Variants in VWA3B observed in about 807,000 individuals in gnomAD.
The protein encoded by VWA3B is von Willebrand factor A domain-containing protein 3B.
A neutral mutation model predicts 158.3 loss-of-function variants in VWA3B; 138 were observed. The observed-to-expected ratio is 0.87, with a 90% CI of 0.76 to 1.00. The LOEUF is 1.00. Ranked by LOEUF, VWA3B falls within the 50% of genes least tolerant of loss-of-function variation. The pLI is 0.00. For synonymous variants in VWA3B, 596 were observed against 587.3 expected (o/e 1.01, Z -0.21); for missense variants, 1,555 against 1,565.1 (o/e 0.99, Z 0.11).
rs535035946 is a variant in VWA3B, at chr2:98,177,107, G to A, written c.1115-3909G>A. 2.6e-5 allele frequency among the ~76,000 whole-genome samples: 4 copies of A among 152,346 alleles called. No individual in the cohort carries two copies. The East Asian group carries it at 7.7e-4, about 29-fold the overall frequency. ...AGGGTGGGTGGATGAGGGACAGGAA[G>A]AGGAGTGGGCACTGATACCTATGCC... On this transcript the variant is annotated intron_variant, in intron 8 of 27. Transcript: ENST00000477737.
chr2:98,247,638 A>G (rs548627587), intron 19 of VWA3B, among the ~76,000 whole-genome samples: 23 of 152,232 alleles, frequency 1.5e-4, no homozygotes, highest in South Asian at 6.2e-4. Context: ...TCACATATCT[A>G]TTATCTGATA....
At chr2:98,324,279 C>G in the VWA3B span, among the ~76,000 whole-genome samples, 2 of 152,154 alleles carry the variant, frequency 1.3e-5, no homozygotes, top group African/African-American at 2.4e-5. Context: ...TCTCCTGCCT[C>G]AGCTTCCCAA....
intron 8 of VWA3B, among the ~76,000 whole-genome samples, chr2:98,167,789 C>T (rs1370439240): frequency 2.0e-5 from 3 of 152,182 alleles, no homozygotes; most frequent in African/African-American, 7.2e-5. Context: ...GGAATTCACA[C>T]AGGACCAAGA....
At chr2:98,141,494 G>C (rs1294430927) in intron 7 of VWA3B, among the ~76,000 whole-genome samples, 1 of 152,066 alleles carries the variant, frequency 6.6e-6, no homozygotes, top group African/African-American at 2.4e-5. Flanking sequence ...ACATCTCATG[G>C]AAACTCATTA....
At chr2:98,225,551 A>C (rs1234290785) in intron 14 of VWA3B, among the ~76,000 whole-genome samples, 1 of 152,330 alleles carries the variant, frequency 6.6e-6, no homozygotes, top group East Asian at 1.9e-4. Flanking sequence ...AAAGACATCT[A>C]TTCTCACCGC....
intron 9 of VWA3B, among the ~76,000 whole-genome samples, chr2:98,182,863 G>A (rs571022018): frequency 6.6e-6 from 1 of 152,308 alleles, no homozygotes; most frequent in South Asian, 2.1e-4. Flanking sequence ...AGCCAAGATT[G>A]CGCCATTGCA....
intron 1 of VWA3B, among the ~76,000 whole-genome samples, chr2:98,092,404 G>A (rs1363985155): frequency 2.0e-5 from 3 of 152,196 alleles, no homozygotes; most frequent in Admixed American, 6.5e-5. Context: ...CAACACTTTG[G>A]GAGGCCAAGG....
intron 2 of VWA3B, among the ~76,000 whole-genome samples, chr2:98,106,207 G>A (rs762129999): frequency 8.5e-5 from 13 of 152,114 alleles, no homozygotes; most frequent in Non-Finnish European, 1.0e-4. Context: ...GAGCCACTGC[G>A]CCTGGCCCTA....
At chr2:98,272,057 A>G (rs1268788056) in intron 22 of VWA3B, among the ~76,000 whole-genome samples, 1 of 152,204 alleles carries the variant, frequency 6.6e-6, no homozygotes, top group African/African-American at 2.4e-5. Context: ...ACACATACCA[A>G]GCGGCAGACA....
At chr2:98,314,764 T>G (rs1691053524), downstream of VWA3B, among the ~76,000 whole-genome samples, 1 of 152,030 alleles carries the variant, frequency 6.6e-6, no homozygotes, top group South Asian at 2.1e-4. Context: ...GGCTCACGCC[T>G]GTTATCCCAG....
chr2:98,312,490 ACTCCT>A lies in VWA3B; in HGVS notation c.*146_*150del. 9.8e-7 allele frequency: 1 copy of A among 1,016,968 alleles called. No homozygotes were observed. Among genetic ancestry groups the A allele is most frequent in the Non-Finnish European group, 1.4e-6 (1 of 733,558 alleles). The allele number at this position is 1,016,968 out of a possible 1,614,324, so 63.0% of individuals were successfully genotyped here. ...TATGCCTGCCCTGTCTGTAGCAAAG[ACTCCT>A]CTCCCCTCCATCCCTGCTGCCTCCC... On this transcript the variant is annotated 3_prime_UTR_variant, in exon 28 of 28. Transcript: ENST00000477737.
At chr2:98,316,588 A>G (rs549446022), downstream of VWA3B, among the ~76,000 whole-genome samples, 152 of 151,504 alleles carry the variant, frequency 1.0e-3, 1 homozygote, top group Non-Finnish European at 1.7e-3. Context: ...CAGAGGTTGC[A>G]GTGAGCCAAG....
chr2:98,229,407 G>A (rs1685170785), intron 15 of VWA3B, among the ~76,000 whole-genome samples: 1 of 152,198 alleles, frequency 6.6e-6, no homozygotes, highest in South Asian at 2.1e-4. Flanking sequence ...GCAGGAGGGA[G>A]GGCACACGTC....
chr2:98,320,875 G>C, the VWA3B span, among the ~76,000 whole-genome samples: 2 of 152,166 alleles, frequency 1.3e-5, no homozygotes, highest in Non-Finnish European at 2.9e-5. Context: ...AAGTAATGAG[G>C]AGCCAAATGC....
intron 8 of VWA3B, among the ~76,000 whole-genome samples, chr2:98,178,802 CAG>C (rs1022756446): frequency 6.6e-6 from 1 of 152,094 alleles, no homozygotes; most frequent in Non-Finnish European, 1.5e-5. Context: ...TAAAGCTCCT[CAG>C]GGGATGCCAC....
intron 2 of VWA3B, among the ~76,000 whole-genome samples, chr2:98,110,000 C>T (rs1229851361): frequency 6.6e-6 from 1 of 151,804 alleles, no homozygotes; most frequent in African/African-American, 2.4e-5. Flanking sequence ...TCGAATTTCA[C>T]TCAGATTCTT....
At chr2:98,097,304 C>T (rs1239806218) in intron 2 of VWA3B, among the ~76,000 whole-genome samples, 1 of 152,078 alleles carries the variant, frequency 6.6e-6, no homozygotes, top group African/African-American at 2.4e-5. Flanking sequence ...CTTTGTATAC[C>T]TTTGTATACC....
chr2:98,143,196 C>T (rs956900514), intron 7 of VWA3B, among the ~76,000 whole-genome samples: 11 of 152,058 alleles, frequency 7.2e-5, no homozygotes, highest in African/African-American at 2.2e-4. Flanking sequence ...CCTGCCATCA[C>T]GCCAGGCTAA....
intron 2 of VWA3B, among the ~76,000 whole-genome samples, chr2:98,101,443 C>A (rs1683068305): frequency 6.6e-6 from 1 of 152,210 alleles, no homozygotes; most frequent in Non-Finnish European, 1.5e-5. Flanking sequence ...CTGAGGAGTA[C>A]TCCTTCAATC....
Sources: allele counts gnomAD v4.1 joint callset (sites outside exome capture counted in the v4.1 genomes callset), GRCh38; gene constraint gnomAD v4.1.1; transcripts MANE v1.5; gene names NCBI Gene and HGNC (gene_info 2026-07-23, HGNC 2026-07-21).